The following BRINP3 variants were observed in gnomAD, a reference collection of about 807,000 sequenced individuals.
The protein encoded by BRINP3 is BMP/retinoic acid inducible neural specific 3.
Under a neutral mutation model 71.0 loss-of-function variants are expected in BRINP3, and 19 were observed. The ratio of observed to expected loss-of-function variants is 0.27; its 90% CI spans 0.19 to 0.39. BRINP3 has a LOEUF of 0.39. Ranked by LOEUF, BRINP3 falls within the 10% of genes least tolerant of loss-of-function variation. The probability of loss-of-function intolerance (pLI) is 1.00; values close to 1 mark genes in which losing one functional copy is unlikely to be tolerated. For missense variants in BRINP3, 959 were observed against 940.8 expected (o/e 1.02, Z -0.25); for synonymous variants, 380 against 337.7 (o/e 1.13, Z -1.37).
chr1:190,252,726 A>G (rs991958071), intron 4 of BRINP3, among the ~76,000 whole-genome samples: 1 of 152,038 alleles, frequency 6.6e-6, no homozygotes, highest in Non-Finnish European at 1.5e-5. Context: ...TTCTGTAATA[A>G]AATAAGTGCT....
chr1:190,204,779 C>G (rs1031180431), intron 6 of BRINP3, among the ~76,000 whole-genome samples: 1 of 151,912 alleles, frequency 6.6e-6, no homozygotes, highest in South Asian at 2.1e-4. Flanking sequence ...TGAGAACTAT[C>G]ATTACAAGTT....
At chr1:190,102,728 A>T (rs1291956854) in intron 7 of BRINP3, among the ~76,000 whole-genome samples, 1 of 152,096 alleles carries the variant, frequency 6.6e-6, no homozygotes, top group Non-Finnish European at 1.5e-5. Context: ...GCAAACTTTA[A>T]AAAAGCAATT....
chr1:190,167,414 A>C (rs1443995610), intron 6 of BRINP3, among the ~76,000 whole-genome samples: 3 of 152,292 alleles, frequency 2.0e-5, no homozygotes, highest in African/African-American at 7.2e-5. Context: ...ATTTGGACCT[A>C]TATGCCTGCA....
intron 2 of BRINP3, among the ~76,000 whole-genome samples, chr1:190,407,808 A>G (rs919170710): frequency 1.3e-5 from 2 of 152,158 alleles, no homozygotes; most frequent in Non-Finnish European, 2.9e-5. Flanking sequence ...ATAATAAACA[A>G]AAAGTCAATA....
intron 4 of BRINP3, among the ~76,000 whole-genome samples, chr1:190,249,222 C>T (rs912160427): frequency 3.3e-5 from 5 of 151,712 alleles, no homozygotes; most frequent in African/African-American, 9.7e-5. Flanking sequence ...AATCATGTCA[C>T]GTTCACTTAT....
chr1:190,272,660 G>A (rs1662209953), intron 3 of BRINP3, among the ~76,000 whole-genome samples: 1 of 151,270 alleles, frequency 6.6e-6, no homozygotes, highest in South Asian at 2.1e-4. Flanking sequence ...AGTCATAATT[G>A]TTTCTAATGG....
At chr1:190,450,161 A>G (rs1311293425) in intron 2 of BRINP3, among the ~76,000 whole-genome samples, 1 of 152,108 alleles carries the variant, frequency 6.6e-6, no homozygotes, top group Non-Finnish European at 1.5e-5. Flanking sequence ...ATCTCAAGGT[A>G]GGATCCTGTC....
At chr1:190,384,593 C>T (rs1670763669) in intron 2 of BRINP3, among the ~76,000 whole-genome samples, 1 of 151,826 alleles carries the variant, frequency 6.6e-6, no homozygotes, top group Non-Finnish European at 1.5e-5. Context: ...ATAGTTCTTA[C>T]TGTTGCCAAG....
intron 2 of BRINP3, among the ~76,000 whole-genome samples, chr1:190,314,228 A>G (rs74129278): frequency 0.016 from 2,498 of 152,206 alleles, 65 homozygotes; most frequent in African/African-American, 0.055. Flanking sequence ...ACAGCTTTGG[A>G]AACATATTGG....
intron 1 of BRINP3, among the ~76,000 whole-genome samples, chr1:190,476,792 A>G (rs561160857): frequency 3.6e-4 from 55 of 152,296 alleles, no homozygotes; most frequent in Non-Finnish European, 6.9e-4. Context: ...GTACTGACAA[A>G]TACTATGCCT....
intron 7 of BRINP3, among the ~76,000 whole-genome samples, chr1:190,104,852 T>G (rs1652009816): frequency 6.6e-6 from 1 of 152,120 alleles, no homozygotes; most frequent in Non-Finnish European, 1.5e-5. Flanking sequence ...TATTCCAACC[T>G]TCTAATCCTT....
chr1:190,101,240 C>T (rs570096299), intron 7 of BRINP3, among the ~76,000 whole-genome samples: 2 of 152,228 alleles, frequency 1.3e-5, no homozygotes, highest in East Asian at 3.9e-4. Flanking sequence ...TAAATTCTCT[C>T]AAAAATTCTC....
intron 4 of BRINP3, among the ~76,000 whole-genome samples, chr1:190,241,747 G>A (rs1009311311): frequency 6.6e-6 from 1 of 151,642 alleles, no homozygotes; most frequent in Non-Finnish European, 1.5e-5. Flanking sequence ...GTGTTGATTA[G>A]TTTCTATTAT....
At chr1:190,242,659 T>G (rs1659217582) in intron 4 of BRINP3, among the ~76,000 whole-genome samples, 1 of 152,102 alleles carries the variant, frequency 6.6e-6, no homozygotes, top group Non-Finnish European at 1.5e-5. Flanking sequence ...TAAAAGGTAG[T>G]GTTTGGTTTT....
chr1:190,277,848 A>G (rs1284513813), intron 3 of BRINP3, among the ~76,000 whole-genome samples: 2 of 151,786 alleles, frequency 1.3e-5, no homozygotes, highest in African/African-American at 4.8e-5. Flanking sequence ...TCAAACAGTG[A>G]TGGAATTTAG....
Position 190,226,319 on chromosome 1 carries a change from CT to C in BRINP3, c.725-2del. ...TAGTCTGGGAGAAGTACTTGAAGCC[CT>C]TGAAGAACAAACAAAGAAATTAACA... is the stretch of plus-strand genomic sequence containing the variant. On this transcript the variant is annotated splice_acceptor_variant, in intron 5 of 7. Coordinates refer to ENST00000367462, the MANE Select transcript of BRINP3 (RefSeq NM_199051.3). LOFTEE classifies it high-confidence loss of function. 1.3e-6 allele frequency: 2 copies of C among 1,513,880 alleles called. No individual in the cohort carries two copies. The highest frequency in any genetic ancestry group is 1.8e-6 in the Non-Finnish European group (2 of 1,127,306). The allele number at this position is 1,513,880 out of a possible 1,614,324, so 93.8% of individuals were successfully genotyped here. A position where few individuals can be genotyped will look rare whatever the true frequency, so the allele number is the denominator to read the frequency against.
chr1:190,310,023 A>G (rs1364685578), intron 2 of BRINP3, among the ~76,000 whole-genome samples: 4 of 151,520 alleles, frequency 2.6e-5, no homozygotes, highest in Non-Finnish European at 5.9e-5. Flanking sequence ...ACAATGGCCA[A>G]TCTCTAGTGT....
At chr1:190,165,443 GTTTTT>G (rs1222291505) in intron 6 of BRINP3, among the ~76,000 whole-genome samples, 2 of 46,622 alleles carry the variant, frequency 4.3e-5, no homozygotes, top group African/African-American at 1.3e-4. Flanking sequence ...TTCATTGGCT[GTTTTT>G]TTTTTTTTTT....
intron 2 of BRINP3, among the ~76,000 whole-genome samples, chr1:190,387,090 T>A (rs1250927578): frequency 2.0e-5 from 3 of 151,990 alleles, no homozygotes; most frequent in Non-Finnish European, 2.9e-5. Flanking sequence ...GAAAGGGCAA[T>A]TAATGCATGC....
Sources: gnomAD v4.1 joint callset for allele counts (sites outside exome capture counted in the v4.1 genomes callset) on GRCh38, gnomAD v4.1.1 for gene constraint, MANE v1.5 for transcripts, NCBI Gene and HGNC (gene_info 2026-07-23, HGNC 2026-07-21) for gene names.